PXDNL: variants seen among roughly 807,000 people sequenced by gnomAD.
PXDNL encodes the protein peroxidasin like, also known as probable oxidoreductase PXDNL.
Under a neutral mutation model 150.8 loss-of-function variants are expected in PXDNL, and 145 were observed. The ratio of observed to expected loss-of-function variants is 0.96; its 90% confidence interval spans 0.84 to 1.10. The LOEUF is 1.10. Ranked by LOEUF, PXDNL falls within the 50% of genes least tolerant of loss-of-function variation. The pLI is 0.00. For synonymous variants in PXDNL, 757 were observed against 725.7 expected (o/e 1.04, Z -0.69); for missense variants, 2,087 against 1,873.9 (o/e 1.11, Z -2.10).
intron 1 of PXDNL, among the ~76,000 whole-genome samples, chr8:51,658,442 A>C (rs778172224): frequency 6.6e-6 from 1 of 152,144 alleles, no homozygotes; most frequent in Non-Finnish European, 1.5e-5. Context: ...AACTCCAATA[A>C]GTCACATTCA....
At chr8:51,705,051 T>C (rs1037143523) in intron 1 of PXDNL, among the ~76,000 whole-genome samples, 4 of 152,128 alleles carry the variant, frequency 2.6e-5, no homozygotes, top group Admixed American at 6.5e-5. Flanking sequence ...AGAAAAAAAA[T>C]AAATAAATGG....
At chr8:51,758,948 A>G (rs1213921066) in intron 1 of PXDNL, among the ~76,000 whole-genome samples, 1 of 152,172 alleles carries the variant, frequency 6.6e-6, no homozygotes, top group Non-Finnish European at 1.5e-5. Flanking sequence ...GCTACTACCT[A>G]TGAATCTTGG....
chr8:51,672,024 C>CA (rs1269040631), intron 1 of PXDNL, among the ~76,000 whole-genome samples: 13 of 152,260 alleles, frequency 8.5e-5, no homozygotes, highest in African/African-American at 3.1e-4. Context: ...CTTTGTCACC[C>CA]AGGCTGGAGT....
intron 1 of PXDNL, among the ~76,000 whole-genome samples, chr8:51,694,685 C>CA (rs1447339518): frequency 6.6e-6 from 1 of 152,170 alleles, no homozygotes; most frequent in Non-Finnish European, 1.5e-5. Context: ...TGTGTGATCT[C>CA]AAACAAAGCA....
At chr8:51,331,846 G>A (rs559077487) in intron 21 of PXDNL, among the ~76,000 whole-genome samples, 1 of 152,222 alleles carries the variant, frequency 6.6e-6, no homozygotes, top group East Asian at 1.9e-4. Flanking sequence ...CTGGCCCAAG[G>A]AGAGTCTAAG....
chr8:51,684,826 A>G (rs1218705366), intron 1 of PXDNL, among the ~76,000 whole-genome samples: 1 of 152,194 alleles, frequency 6.6e-6, no homozygotes, highest in Non-Finnish European at 1.5e-5. Flanking sequence ...TGGTCCCCAG[A>G]TGACAGCCAG....
chr8:51,738,589 G>A (rs1421679317), intron 1 of PXDNL, among the ~76,000 whole-genome samples: 2 of 151,654 alleles, frequency 1.3e-5, no homozygotes, highest in Non-Finnish European at 2.9e-5. Flanking sequence ...GATACTCTAT[G>A]GGAATACTAC....
chr8:51,708,099 C>A (rs184112934), intron 1 of PXDNL, among the ~76,000 whole-genome samples: 1 of 152,260 alleles, frequency 6.6e-6, no homozygotes, highest in Admixed American at 6.5e-5. Flanking sequence ...TTCTAAAAGG[C>A]CCACTTTGTG....
intron 8 of PXDNL, among the ~76,000 whole-genome samples, chr8:51,460,476 G>C (rs973189680): frequency 7.1e-6 from 1 of 141,280 alleles, no homozygotes; most frequent in African/African-American, 2.6e-5. Context: ...CTCCCACCAA[G>C]AGAAGCCAAA....
chr8:51,542,527 G>A (rs1236239277), intron 4 of PXDNL, among the ~76,000 whole-genome samples: 2 of 150,498 alleles, frequency 1.3e-5, no homozygotes, highest in Admixed American at 6.6e-5. Context: ...GAGAGAAGTC[G>A]ACCAGGTGCT....
At chr8:51,795,683 A>G (rs1463746397) in intron 1 of PXDNL, among the ~76,000 whole-genome samples, 1 of 152,212 alleles carries the variant, frequency 6.6e-6, no homozygotes, top group East Asian at 1.9e-4. Context: ...AAATGCCCAA[A>G]AAGCTAGATG....
At chr8:51,640,203 T>A (rs1814715528) in intron 2 of PXDNL, among the ~76,000 whole-genome samples, 1 of 152,072 alleles carries the variant, frequency 6.6e-6, no homozygotes, top group African/African-American at 2.4e-5. Flanking sequence ...GGGACATATC[T>A]CAAAATAATA....
At chr8:51,402,466 C>A (rs886101730) in intron 17 of PXDNL, among the ~76,000 whole-genome samples, 9 of 151,998 alleles carry the variant, frequency 5.9e-5, no homozygotes, top group Non-Finnish European at 1.3e-4. Flanking sequence ...CTGCAGCAAG[C>A]CGAGATCGCA....
chr8:51,442,925 A>C (rs1434747024), intron 12 of PXDNL, among the ~76,000 whole-genome samples: 3 of 152,146 alleles, frequency 2.0e-5, no homozygotes, highest in Admixed American at 6.6e-5. Flanking sequence ...CAATTTAAGT[A>C]ACATTGGAAA....
intron 1 of PXDNL, among the ~76,000 whole-genome samples, chr8:51,748,089 T>G (rs982679585): frequency 1.3e-5 from 2 of 152,168 alleles, no homozygotes; most frequent in African/African-American, 4.8e-5. Flanking sequence ...CTCATTTGAA[T>G]AGTTTGGTAG....
At chr8:51,667,311 T>C (rs569639443) in intron 1 of PXDNL, among the ~76,000 whole-genome samples, 1 of 152,300 alleles carries the variant, frequency 6.6e-6, no homozygotes, top group African/African-American at 2.4e-5. Context: ...AACAAAAAGA[T>C]GAATTAATGA....
intron 1 of PXDNL, among the ~76,000 whole-genome samples, chr8:51,735,623 T>C (rs1817023094): frequency 7.4e-6 from 1 of 135,434 alleles, no homozygotes; most frequent in African/African-American, 2.8e-5. Context: ...CTCGGCTCAC[T>C]GCAAGCTCCG....
intron 2 of PXDNL, among the ~76,000 whole-genome samples, chr8:51,616,872 G>C (rs113856489): frequency 6.6e-6 from 1 of 152,030 alleles, no homozygotes; most frequent in Admixed American, 6.5e-5. Flanking sequence ...TCTCTAGATT[G>C]CTTATAATAT....
intron 1 of PXDNL, among the ~76,000 whole-genome samples, chr8:51,661,589 C>G (rs1285881122): frequency 6.6e-6 from 1 of 152,160 alleles, no homozygotes; most frequent in Non-Finnish European, 1.5e-5. Flanking sequence ...CAGCTCTTTC[C>G]TGGGTCCCCA....
Sources: gnomAD v4.1 joint callset for allele counts (sites outside exome capture counted in the v4.1 genomes callset) on GRCh38, gnomAD v4.1.1 for gene constraint, MANE v1.5 for transcripts, NCBI Gene and HGNC (gene_info 2026-07-23, HGNC 2026-07-21) for gene names.